The following ZBED4 variants were observed in gnomAD, a reference collection of about 807,000 sequenced individuals.
The protein encoded by ZBED4 is zinc finger BED domain-containing protein 4.
ZBED4 carries 4 observed loss-of-function variants against 15.5 expected under a neutral mutation model. That is an observed-to-expected ratio of 0.26 (90% CI 0.13 to 0.59). The LOEUF (loss-of-function observed/expected upper bound fraction) is 0.59, where lower values mean the gene tolerates loss of function less well. ZBED4 is among the 20% of genes least tolerant of loss of function. ZBED4 has a pLI of 0.90. For missense variants in ZBED4, 1,323 were observed against 1,461.8 expected, an observed-to-expected ratio of 0.91 and a Z score of 1.55; for synonymous variants, 692 against 608.5, an observed-to-expected ratio of 1.14 and a Z score of -2.02.
rs546539796 is a variant in ZBED4 at position 49,873,847 on chromosome 22, T to A, written c.-329-9487T>A. 2.2e-3 allele frequency among the ~76,000 whole-genome samples: 182 copies of A among 81,080 alleles called. 2 individuals carry two copies. The South Asian group carries it at 0.036, about 16-fold the overall frequency. The allele number at this position is 81,080 out of a possible 152,430, so 53.2% of individuals were successfully genotyped here. On this transcript the variant is annotated intron_variant, in intron 1 of 1. Transcript: ENST00000216268. ...GACCCACAGGGATGCACGGCCCACC[T>A]TGTAGGTTGGAGCGAGGAGCGTGGA...
At chr22:49,854,041 G>A (rs987967867) in intron 1 of ZBED4, 52 bp downstream of exon 1, 4 of 145,038 alleles carry the variant, frequency 2.8e-5, no homozygotes, top group African/African-American at 4.9e-5. Context: ...CCCGTCCCCC[G>A]CGGACCGCGC....
chr22:49,857,802 G>A (rs1007300379), intron 1 of ZBED4, among the ~76,000 whole-genome samples: 19 of 152,210 alleles, frequency 1.2e-4, no homozygotes, highest in African/African-American at 4.1e-4. Context: ...TGTCACCCAG[G>A]CTGGAGTGCA....
At chr22:49,866,668 G>A (rs768782408) in intron 1 of ZBED4, among the ~76,000 whole-genome samples, 11 of 152,084 alleles carry the variant, frequency 7.2e-5, no homozygotes, top group Non-Finnish European at 1.5e-4. Context: ...AGCATATTTC[G>A]TTATCTGCAG....
chr22:49,860,841 C>T (rs1011117080), intron 1 of ZBED4, among the ~76,000 whole-genome samples: 1 of 148,820 alleles, frequency 6.7e-6, no homozygotes, highest in African/African-American at 2.5e-5. Flanking sequence ...TGCAGTGGCT[C>T]GATCTTGGCT....
Position 49,885,526 on chromosome 22 carries a change from C to T in ZBED4, c.1864C>T (p.Pro622Ser). The change falls in exon 2 of 2, where the codon CCC becomes TCC. Residue 622 changes from proline (P) to serine (S), a missense_variant. Pro to Ser is a moderately conservative substitution (Grantham distance 74, BLOSUM62 -1). This residue lies in a region of ZBED4 where 429 missense variants were observed against 397.9 expected (regional missense o/e 1.08). Transcript: ENST00000216268. ...AACTGAGGTCTCGGAGACGGCTCGG[C>T]CCTCCTCTCCGGACACCCGGGTGCC... ...LKTEVSETAR[P>S]SSPDTRVPRG... The T allele has an allele frequency of 6.2e-7, 1 of 1,608,762 alleles. No individual in the cohort carries two copies. The highest frequency in any genetic ancestry group is 8.5e-7 in the Non-Finnish European group (1 of 1,175,422).
rs540860806 is a variant in ZBED4 at position 49,886,671 on chromosome 22, C to G, written c.3009C>G (p.Val1003=). Residue 1003 remains valine (V), a synonymous_variant, in exon 2 of 2, where the codon GTC becomes GTG. Transcript: ENST00000216268. The surrounding 1 kb of genome is among the most constrained non-coding windows in gnomAD (Gnocchi z 7.7). ...CCACCCTCCACGACCCGCGGTACGT[C>G]TTCGCCACGCTGCTGGATCCTCGCT... ...LSATLHDPRY[V]FATLLDPRYK... is the part of the protein sequence containing the mutation. 1 of 1,611,228 alleles carries G rather than the reference C, an allele frequency of 6.2e-7. No individual in the cohort carries two copies. Among genetic ancestry groups the G allele is most frequent in the South Asian group, 1.1e-5 (1 of 90,650 alleles).
chr22:49,886,660 C>T lies in ZBED4; in HGVS notation c.2998C>T (p.Pro1000Ser). 1 of 1,607,252 alleles carries T rather than the reference C, an allele frequency of 6.2e-7. No homozygotes were observed. The highest frequency in any genetic ancestry group is 8.5e-7 in the Non-Finnish European group (1 of 1,176,824). ...VSRLSATLHD[P>S]RYVFATLLDP... ...CCGCCTGTCTGCCACCCTCCACGAC[C>T]CGCGGTACGTCTTCGCCACGCTGCT... The change falls in exon 2 of 2, where the codon CCG becomes TCG. Residue 1000 changes from proline (P) to serine (S), a missense_variant. By Grantham distance (74) the Pro-to-Ser change is moderately conservative. Around this residue, in one of 6 missense-constraint regions of ZBED4, gnomAD observed 312 missense variants for 410.7 expected, o/e 0.76. Coordinates refer to ENST00000216268, the MANE Select transcript of ZBED4 (RefSeq NM_014838.3). This position sits in a 1 kb window ranked among gnomAD's most constrained non-coding sequence, Gnocchi z 7.7.
rs2060449417 is a variant in ZBED4, at chr22:49,888,042, A to C, written c.*864A>C. On this transcript the variant is annotated 3_prime_UTR_variant, in exon 2 of 2. Transcript: ENST00000216268. ...GTGCACTGACCCCCTTGTTTGATCA[A>C]ATTTGTGTAAAATTTTTTTAGAAGA... is the stretch of plus-strand genomic sequence containing the variant. The C allele has an allele frequency of 6.0e-6, 1 of 167,220 alleles. No individual in the cohort carries two copies. The allele number at this position is 167,220 out of a possible 1,614,324, so 10.4% of individuals were successfully genotyped here. A position where few individuals can be genotyped will look rare whatever the true frequency, so the allele number is the denominator to read the frequency against.
In ZBED4 at chr22:49,883,501, C is replaced by T. The variant is rs1176896886; in HGVS notation, c.-162C>T. 3 of 1,019,096 alleles carry T rather than the reference C, an allele frequency of 2.9e-6. No homozygotes were observed. Among genetic ancestry groups the T allele is most frequent in the Non-Finnish European group, 4.1e-6 (3 of 735,764 alleles). The allele number at this position is 1,019,096 out of a possible 1,614,324, so 63.1% of individuals were successfully genotyped here. ...GCTGTAAGACCATGAGTCACAGATT[C>T]TTTTTTTCAGTACTATTTATGATTA... On this transcript the variant is annotated 5_prime_UTR_variant, in exon 2 of 2. Transcript: ENST00000216268.
At chr22:49,871,822 T>A (rs1452887220) in intron 1 of ZBED4, among the ~76,000 whole-genome samples, 1 of 151,442 alleles carries the variant, frequency 6.6e-6, no homozygotes, top group Non-Finnish European at 1.5e-5. Context: ...TGGTGTGATC[T>A]CAGCTCACTA....
Position 49,885,065 on chromosome 22 carries a change from C to T in ZBED4, c.1403C>T (p.Ala468Val). Residue 468 changes from alanine to valine, a missense_variant, in exon 2 of 2, where the codon GCC becomes GTC. Coordinates refer to ENST00000216268, the MANE Select transcript of ZBED4 (RefSeq NM_014838.3). ...KSEVWHHFSL[A>V]PMDSLKAECR... ...GAGGTCTGGCATCACTTCTCCCTGG[C>T]CCCCATGGACAGCCTCAAGGCCGAG... 6.2e-6 allele frequency: 10 copies of T among 1,611,596 alleles called. No homozygotes were observed. Among genetic ancestry groups the T allele is most frequent in the Non-Finnish European group, 8.5e-6 (10 of 1,178,772 alleles).
intron 1 of ZBED4, among the ~76,000 whole-genome samples, chr22:49,867,082 A>C (rs1412499237): frequency 6.6e-6 from 1 of 152,164 alleles, no homozygotes; most frequent in African/African-American, 2.4e-5. Context: ...GCTGCATCTC[A>C]TCCATTTGGT....
At position 49,884,884 on chromosome 22, in the gene ZBED4, A is replaced by C. The variant is rs2060428815; in HGVS notation, c.1222A>C (p.Met408Leu). The stretch of plus-strand genomic sequence containing the variant: ...TCACTTGAACCCTGGAGATGGGCTG[A>C]TGGAAGACGTGGCGGCCTTCTCATC... The part of the protein sequence containing the change: ...QSHLNPGDGL[M>L]EDVAAFSSSD... The change falls in exon 2 of 2, where the codon ATG becomes CTG. Residue 408 changes from methionine to leucine, a missense_variant. This residue lies in a region of ZBED4 where 429 missense variants were observed against 397.9 expected (regional missense o/e 1.08). Transcript: ENST00000216268. The C allele has an allele frequency of 1.9e-6, 3 of 1,605,170 alleles. No individual in the cohort carries two copies. The African/African-American group carries it at 4.0e-5, about 21-fold the overall frequency.
At chr22:49,871,758 T>TTTA (rs71196386) in intron 1 of ZBED4, among the ~76,000 whole-genome samples, 80,591 of 119,586 alleles carry the variant, frequency 0.67, 25,404 homozygotes, top group East Asian at 0.78. Context: ...TATTTATTTA[T>TTTA]TTTTTTTTTT....
intron 1 of ZBED4, among the ~76,000 whole-genome samples, chr22:49,861,766 A>G (rs989950830): frequency 9.2e-5 from 14 of 152,152 alleles, no homozygotes; most frequent in African/African-American, 3.4e-4. Context: ...TGCTCAGCAC[A>G]TGTATGAATG....
chr22:49,867,360 C>T (rs1024524739), intron 1 of ZBED4, among the ~76,000 whole-genome samples: 2 of 152,190 alleles, frequency 1.3e-5, no homozygotes, highest in Non-Finnish European at 2.9e-5. Context: ...GAAGCGTGTG[C>T]CAGGCGGCGG....
rs767616881 is a variant in ZBED4, at chr22:49,884,974, C to T, written c.1312C>T (p.Pro438Ser). ...GAAGCAGCAGGCTGATGGGCTGAGT[C>T]CTAGATTGTTTGAATCTGGCGCCAT... ...PEKQQADGLSPRLFESGAIFQ... is the reference protein window; with the variant it reads ...PEKQQADGLSSRLFESGAIFQ... The change falls in exon 2 of 2, where the codon CCT becomes TCT. Residue 438 changes from proline to serine, a missense_variant. By Grantham distance (74) the Pro-to-Ser change is moderately conservative. Coordinates refer to ENST00000216268, the MANE Select transcript of ZBED4 (RefSeq NM_014838.3). The T allele has an allele frequency of 4.3e-6, 7 of 1,613,400 alleles. No homozygotes were observed. In the Admixed American group the frequency reaches 5.0e-5, roughly 12 times the overall value.
Position 49,885,948 on chromosome 22 carries a change from C to T in ZBED4, c.2286C>T (p.Asp762=), listed in dbSNP as rs139023633. Residue 762 remains aspartate (D), a synonymous_variant, in exon 2 of 2, where the codon GAC becomes GAT. Transcript: ENST00000216268. Reference sequence around the variant, plus strand: ...AGTCGCCAGCCCGGCCGCGCTGTGACGACCACCACTGCTCGGCGCTGTTGG... The same window carrying T: ...AGTCGCCAGCCCGGCCGCGCTGTGATGACCACCACTGCTCGGCGCTGTTGG... ...SFESPARPRC[D]DHHCSALLDV... 8.0e-5 allele frequency: 60 copies of T among 749,918 alleles called. No homozygotes were observed. Among genetic ancestry groups the T allele is most frequent in the Admixed American group, 4.0e-4 (19 of 47,452 alleles). 46.5% of individuals were successfully genotyped at this position (749,918 alleles called of 1,614,324 possible). A position where few individuals can be genotyped will look rare whatever the true frequency, so the allele number is the denominator to read the frequency against.
chr22:49,854,301 G>A (rs1054084090), intron 1 of ZBED4, among the ~76,000 whole-genome samples: 1 of 150,748 alleles, frequency 6.6e-6, no homozygotes, highest in Non-Finnish European at 1.5e-5. Flanking sequence ...GACGGGGCTC[G>A]GGCTCGGGGC....
Sources: gnomAD v4.1 joint callset for allele counts (sites outside exome capture counted in the v4.1 genomes callset) on GRCh38, gnomAD v4.1.1 for gene constraint, gnomAD v4.1.1 regional missense constraint, Gnocchi (gnomAD v3.1) non-coding constraint, MANE v1.5 for transcripts, NCBI Gene and HGNC (gene_info 2026-07-23, HGNC 2026-07-21) for gene names.